The following ATP9A variants were observed in gnomAD, a reference collection of about 807,000 sequenced individuals.
The protein encoded by ATP9A is probable phospholipid-transporting ATPase IIA.
A neutral mutation model predicts 144.1 loss-of-function variants in ATP9A; 52 were observed. That is an observed-to-expected ratio of 0.36 (90% CI 0.29 to 0.45). The LOEUF (loss-of-function observed/expected upper bound fraction) is 0.45, where lower values mean the gene tolerates loss of function less well. Among genes scored for constraint, ATP9A ranks in the 20% least tolerant of loss-of-function variants. The probability of loss-of-function intolerance (pLI) is 1.00; values close to 1 mark genes in which losing one functional copy is unlikely to be tolerated. For synonymous variants in ATP9A, 582 were observed against 557.4 expected (o/e 1.04, Z -0.62); for missense variants, 947 against 1,392.7 (o/e 0.68, Z 5.09).
intron 7 of ATP9A, among the ~76,000 whole-genome samples, chr20:51,693,229 A>C (rs1314730216): frequency 6.6e-6 from 1 of 152,248 alleles, no homozygotes; most frequent in Non-Finnish European, 1.5e-5. Flanking sequence ...AGGTGGGCAG[A>C]AAGAGCCTCT....
At chr20:51,651,496 AG>A (rs1265105980) in intron 14 of ATP9A, among the ~76,000 whole-genome samples, 1 of 150,752 alleles carries the variant, frequency 6.6e-6, no homozygotes, top group Admixed American at 6.7e-5. Flanking sequence ...ATTTAGAAGG[AG>A]TCTGAGAAAA....
rs184174369 is a variant in ATP9A, at chr20:51,668,604, C to T, written c.1293+1393G>A. Among the ~76,000 whole-genome samples, 7 of 152,136 alleles carry T rather than the reference C, an allele frequency of 4.6e-5. No individual in the cohort carries two copies. In the East Asian group the frequency reaches 1.2e-3, roughly 25 times the overall value. ...GACGGTCAAAGAGACAGAAAGGAAA[C>T]GGGGGCTGTGCGGCTCATCCTCCCT... On this transcript the variant is annotated intron_variant, in intron 13 of 27. Transcript: ENST00000338821.
At chr20:51,606,827 G>A (rs983895503) in intron 26 of ATP9A, among the ~76,000 whole-genome samples, 2 of 151,856 alleles carry the variant, frequency 1.3e-5, no homozygotes, top group African/African-American at 4.8e-5. Flanking sequence ...ACGGCGAGCC[G>A]TGATTGCTCC....
chr20:51,726,007 G>C (rs530842797), intron 2 of ATP9A, 75 bp from the exon 3 acceptor site: 3 of 941,222 alleles, frequency 3.2e-6, no homozygotes, highest in Non-Finnish European at 5.1e-6. Flanking sequence ...GGTGGGAAAT[G>C]AATAACATCT....
intron 4 of ATP9A, among the ~76,000 whole-genome samples, chr20:51,702,365 C>CGTATGTGT (rs1555838516): frequency 7.7e-6 from 1 of 130,220 alleles, no homozygotes; most frequent in Non-Finnish European, 1.7e-5. Context: ...TGTGTGTGTT[C>CGTATGTGT]GTGTGTGTGT....
At chr20:51,738,613 C>T (rs191842987) in intron 1 of ATP9A, among the ~76,000 whole-genome samples, 45 of 152,100 alleles carry the variant, frequency 3.0e-4, no homozygotes, top group Middle Eastern at 3.4e-3. Context: ...GGAGGATTGA[C>T]GCAGGAGAAT....
chr20:51,652,400 C>A (rs909826080), intron 14 of ATP9A, among the ~76,000 whole-genome samples: 3 of 152,224 alleles, frequency 2.0e-5, no homozygotes, highest in African/African-American at 7.2e-5. Context: ...AGAAATTACT[C>A]CAGCAGCTCC....
At chr20:51,720,988 A>G (rs2077686553) in intron 3 of ATP9A, among the ~76,000 whole-genome samples, 2 of 152,324 alleles carry the variant, frequency 1.3e-5, no homozygotes, top group Middle Eastern at 3.4e-3. Flanking sequence ...GGGCCTCTCT[A>G]GCTCTCAGGA....
chr20:51,681,893 A>G (rs2077501423), intron 9 of ATP9A, among the ~76,000 whole-genome samples: 1 of 152,138 alleles, frequency 6.6e-6, no homozygotes, highest in African/African-American at 2.4e-5. Context: ...CAGATGAAAA[A>G]CAAACAGGCA....
chr20:51,624,989 A>G (rs1437997894), intron 18 of ATP9A, among the ~76,000 whole-genome samples: 2 of 140,122 alleles, frequency 1.4e-5, no homozygotes. Flanking sequence ...TGGGCGACAC[A>G]GCGAGACCCC....
rs771796388 is a variant in ATP9A at position 51,674,500 on chromosome 20, C to A, written c.877-187G>T. Among the ~76,000 whole-genome samples, 183 of 152,278 alleles carry A rather than the reference C, an allele frequency of 1.2e-3. 1 individual carries two copies. Among genetic ancestry groups the A allele is most frequent in the Non-Finnish European group, 2.0e-3 (137 of 68,034 alleles). On this transcript the variant is annotated intron_variant, in intron 10 of 27. Coordinates refer to ENST00000338821, the MANE Select transcript of ATP9A (RefSeq NM_006045.3). ...CAGTGGGATCCATCGATCCTCATAT[C>A]TTTGGTCTAAGAACACTGCTTCCAT... is the stretch of plus-strand genomic sequence containing the variant.
At chr20:51,712,882 C>G in intron 4 of ATP9A, 84 bp downstream of exon 4, 1 of 1,248,734 alleles carries the variant, frequency 8.0e-7, no homozygotes, top group African/African-American at 1.5e-5. Flanking sequence ...ACACCTGCGG[C>G]CCGGGCCTTG....
chr20:51,653,087 G>A (rs1209932698), intron 14 of ATP9A, among the ~76,000 whole-genome samples: 3 of 148,762 alleles, frequency 2.0e-5, no homozygotes, highest in African/African-American at 7.5e-5. Flanking sequence ...TCCAGCCTGG[G>A]TGACAGAGCA....
intron 1 of ATP9A, among the ~76,000 whole-genome samples, chr20:51,756,688 G>A (rs117728372): frequency 0.023 from 3,453 of 152,150 alleles, 50 homozygotes; most frequent in East Asian, 0.063. Flanking sequence ...CTCTTTAAAG[G>A]CCCCCTGTCT....
intron 1 of ATP9A, among the ~76,000 whole-genome samples, chr20:51,752,341 G>A (rs1674425101): frequency 1.3e-5 from 2 of 152,344 alleles, no homozygotes; most frequent in Non-Finnish European, 2.9e-5. Context: ...CACCAACGGA[G>A]TTTAACAAAA....
chr20:51,680,134 G>A (rs188870498), intron 9 of ATP9A, among the ~76,000 whole-genome samples: 2 of 150,902 alleles, frequency 1.3e-5, no homozygotes, highest in Non-Finnish European at 2.9e-5. Flanking sequence ...GGAGGCCGAC[G>A]CAGAAGAATA....
intron 18 of ATP9A, 47 bp downstream of exon 18, chr20:51,625,145 A>ACTCTGCC: frequency 6.4e-7 from 1 of 1,559,986 alleles, no homozygotes; most frequent in Non-Finnish European, 8.7e-7. Flanking sequence ...CTGAGGGATA[A>ACTCTGCC]CTGGCATTGC....
chr20:51,733,246 G>C (rs760929081), intron 1 of ATP9A, among the ~76,000 whole-genome samples: 2 of 152,114 alleles, frequency 1.3e-5, no homozygotes, highest in East Asian at 3.8e-4. Flanking sequence ...GTCCCTTCCC[G>C]CTACTATAAC....
rs1393977120 is a variant in ATP9A, at chr20:51,697,651, T to G, written c.437-169A>C. On this transcript the variant is annotated intron_variant, in intron 4 of 27. Coordinates refer to ENST00000338821, the MANE Select transcript of ATP9A (RefSeq NM_006045.3). ...TATTTCCTGCCTCTCCAGGAAAGGGTTCAACCGCTACAGAGGCCGTTGCAG... is the reference window on the plus strand; with the variant it reads ...TATTTCCTGCCTCTCCAGGAAAGGGGTCAACCGCTACAGAGGCCGTTGCAG... Among the ~76,000 whole-genome samples the G allele has an allele frequency of 2.6e-5, 4 of 152,162 alleles. No individual in the cohort carries two copies. The East Asian group carries it at 7.7e-4, about 29-fold the overall frequency.
Sources: allele counts gnomAD v4.1 joint callset (sites outside exome capture counted in the v4.1 genomes callset), GRCh38; gene constraint gnomAD v4.1.1; transcripts MANE v1.5; gene names NCBI Gene and HGNC (gene_info 2026-07-23, HGNC 2026-07-21).